SAMSN1: variants seen among roughly 807,000 people sequenced by gnomAD.
SAMSN1 encodes the protein SAM domain-containing protein SAMSN-1.
A neutral mutation model predicts 42.0 loss-of-function variants in SAMSN1; 31 were observed. The ratio of observed to expected loss-of-function variants is 0.74; its 90% CI spans 0.55 to 1.00. The LOEUF is 1.00. Among genes scored for constraint, SAMSN1 ranks in the 50% least tolerant of loss-of-function variants. SAMSN1 has a pLI of 0.00. For synonymous variants in SAMSN1, 178 were observed against 151.9 expected (o/e 1.17, Z -1.26); for missense variants, 464 against 439.4 (o/e 1.06, Z -0.50).
intron 2 of SAMSN1, among the ~76,000 whole-genome samples, chr21:14,633,603 C>T (rs1600976015): frequency 6.6e-6 from 1 of 152,154 alleles, no homozygotes; most frequent in East Asian, 1.9e-4. Flanking sequence ...GCCTGGTGGC[C>T]TAATATGATT....
chr21:14,512,619 C>G (rs1443367426), intron 3 of SAMSN1, 46 bp from the exon 4 acceptor site: 2 of 1,581,420 alleles, frequency 1.3e-6, no homozygotes, highest in Non-Finnish European at 1.7e-6. Flanking sequence ...AAGATTTCCA[C>G]AGAGATGTAC....
intron 1 of SAMSN1, among the ~76,000 whole-genome samples, chr21:14,535,996 T>C (rs909464034): frequency 1.3e-5 from 2 of 152,232 alleles, no homozygotes; most frequent in Admixed American, 1.3e-4. Context: ...TCTCTATCTA[T>C]GCAAGAATCA....
At chr21:14,554,743 G>A (rs182948624) in intron 2 of SAMSN1, among the ~76,000 whole-genome samples, 1 of 146,838 alleles carries the variant, frequency 6.8e-6, no homozygotes, top group East Asian at 2.0e-4. Context: ...CTGCCACCCA[G>A]GCTAGAATGC....
intron 7 of SAMSN1, among the ~76,000 whole-genome samples, chr21:14,589,151 A>T (rs976511296): frequency 6.6e-6 from 1 of 152,158 alleles, no homozygotes; most frequent in East Asian, 1.9e-4. Flanking sequence ...TTTTTAGAAG[A>T]TAGCATCAAT....
At position 14,546,230 on chromosome 21, in the gene SAMSN1, T is replaced by A; in HGVS notation, c.32A>T (p.Glu11Val). 5 of 1,613,500 alleles carry A rather than the reference T, an allele frequency of 3.1e-6. No homozygotes were observed. The highest frequency in any genetic ancestry group is 4.2e-6 in the Non-Finnish European group (5 of 1,179,634). The change falls in exon 1 of 8, where the codon GAG (glutamate) becomes GTG (valine). Residue 11 changes from glutamate (E) to valine (V), a missense_variant. Physicochemically the swap from Glu to Val is moderately radical, Grantham distance 121. Coordinates refer to ENST00000400566, the MANE Select transcript of SAMSN1 (RefSeq NM_022136.5). MLKRKPSNVS[E>V]KEKHQKPKRS... ...CTTTGGTTTTTGATGTTTCTCCTTCTCTGAAACATTGGATGGCTTTCTCTT... is the reference window on the plus strand; with the variant it reads ...CTTTGGTTTTTGATGTTTCTCCTTCACTGAAACATTGGATGGCTTTCTCTT...
At chr21:14,515,955 T>C (rs1000354487) in intron 3 of SAMSN1, among the ~76,000 whole-genome samples, 1 of 152,180 alleles carries the variant, frequency 6.6e-6, no homozygotes, top group Non-Finnish European at 1.5e-5. Context: ...AAAATCACAA[T>C]GAGATTCCAC....
intron 7 of SAMSN1, among the ~76,000 whole-genome samples, chr21:14,491,330 A>G (rs1986675475): frequency 6.6e-6 from 1 of 150,768 alleles, no homozygotes; most frequent in African/African-American, 2.4e-5. Flanking sequence ...CTCGTCTTGA[A>G]CTCTTGGACT....
chr21:14,512,204 G>C (rs1383252487), intron 4 of SAMSN1, among the ~76,000 whole-genome samples: 2 of 152,154 alleles, frequency 1.3e-5, no homozygotes, highest in Non-Finnish European at 2.9e-5. Flanking sequence ...TTTTTGAGGA[G>C]TATCCCGAGG....
intron 2 of SAMSN1, among the ~76,000 whole-genome samples, chr21:14,578,703 A>AGGC (rs1981590383): frequency 2.0e-3 from 2 of 1,018 alleles, no homozygotes; most frequent in Admixed American, 8.1e-3. Context: ...AAAAAAAAAA[A>AGGC]AAGACCCCAA....
At chr21:14,593,396 T>A (rs574338862) in intron 7 of SAMSN1, among the ~76,000 whole-genome samples, 1 of 152,134 alleles carries the variant, frequency 6.6e-6, no homozygotes, top group Non-Finnish European at 1.5e-5. Flanking sequence ...TACTTGTTGA[T>A]GTATGTGAAT....
intron 2 of SAMSN1, among the ~76,000 whole-genome samples, chr21:14,519,009 G>A (rs892345926): frequency 4.6e-5 from 7 of 152,058 alleles, no homozygotes; most frequent in East Asian, 1.9e-4. Context: ...TTTTTCTAGC[G>A]TTATTTACAG....
At chr21:14,613,560 A>G (rs1275574818) in intron 3 of SAMSN1, among the ~76,000 whole-genome samples, 4 of 152,256 alleles carry the variant, frequency 2.6e-5, no homozygotes, top group African/African-American at 9.6e-5. Flanking sequence ...CCATTTTTTC[A>G]AACTCAAAAT....
intron 2 of SAMSN1, among the ~76,000 whole-genome samples, chr21:14,563,362 C>A (rs531303377): frequency 4.9e-4 from 74 of 152,208 alleles, no homozygotes; most frequent in Non-Finnish European, 6.3e-4. Context: ...AGAAATTTAA[C>A]ATGACTTCAC....
At chr21:14,589,824 C>T (rs1982026402) in intron 7 of SAMSN1, among the ~76,000 whole-genome samples, 1 of 152,068 alleles carries the variant, frequency 6.6e-6, no homozygotes, top group African/African-American at 2.4e-5. Context: ...TTCTTAATTT[C>T]TGATTTGGAA....
chr21:14,571,139 A>C (rs1981287922), intron 2 of SAMSN1, among the ~76,000 whole-genome samples: 1 of 152,176 alleles, frequency 6.6e-6, no homozygotes, highest in South Asian at 2.1e-4. Flanking sequence ...CTCTTATCAA[A>C]GCTGGCATTT....
intron 6 of SAMSN1, chr21:14,601,951 G>A: frequency 1.7e-6 from 1 of 573,840 alleles, no homozygotes; most frequent in African/African-American, 1.9e-5. Context: ...TGTACACTAT[G>A]CCTAATATAT....
intron 2 of SAMSN1, among the ~76,000 whole-genome samples, chr21:14,618,563 T>C (rs1982903530): frequency 6.6e-6 from 1 of 152,140 alleles, no homozygotes; most frequent in Non-Finnish European, 1.5e-5. Context: ...GACTGTCACG[T>C]ATATTGGAGT....
upstream of SAMSN1, among the ~76,000 whole-genome samples, chr21:14,551,233 C>G (rs1476000868): frequency 6.6e-6 from 1 of 151,956 alleles, no homozygotes. Context: ...TTTTAAATTT[C>G]CAAAGAGATA....
At position 14,643,280 on chromosome 21, in the gene SAMSN1, C is replaced by T. The variant is rs1242175592; in HGVS notation, c.25-147G>A. 6 of 557,730 alleles carry T rather than the reference C, an allele frequency of 1.1e-5. No individual in the cohort carries two copies. In the East Asian group the frequency reaches 1.4e-4, roughly 13 times the overall value. The allele number at this position is 557,730 out of a possible 1,614,324, so 34.5% of individuals were successfully genotyped here. ...TAAGAGTTTACAGTATGCTAACTTT[C>T]AACAGTGAACAATACAGTAAAGCCA... On this transcript the variant is annotated intron_variant, in intron 1 of 15. Transcript: ENST00000647101.
Sources: gnomAD v4.1 joint callset for allele counts (sites outside exome capture counted in the v4.1 genomes callset) on GRCh38, gnomAD v4.1.1 for gene constraint, MANE v1.5 for transcripts, NCBI Gene and HGNC (gene_info 2026-07-23, HGNC 2026-07-21) for gene names.